PCDHA2: variants seen among roughly 807,000 people sequenced by gnomAD.
PCDHA2 encodes protocadherin alpha-2.
Under a neutral mutation model 66.0 loss-of-function variants are expected in PCDHA2, and 58 were observed. That is an observed-to-expected ratio of 0.88 (90% CI 0.71 to 1.09). The LOEUF (loss-of-function observed/expected upper bound fraction) is 1.09, where lower values mean the gene tolerates loss of function less well. Ranked by LOEUF, PCDHA2 falls within the 50% of genes least tolerant of loss-of-function variation. The pLI is 0.00. For synonymous variants in PCDHA2, 634 were observed against 554.0 expected (o/e 1.14, Z -2.03); for missense variants, 1,267 against 1,242.3 (o/e 1.02, Z -0.30).
Position 140,807,656 on chromosome 5 carries a change from G to A in PCDHA2, c.2388+10304G>A, listed in dbSNP as rs782156904. On this transcript the variant is annotated intron_variant, in intron 1 of 3. Coordinates refer to ENST00000526136, the MANE Select transcript of PCDHA2 (RefSeq NM_018905.3). ...TGACTCTCGGTTTCCACTAGAGGGC[G>A]CCTCGGATGCAGATATCGGGGAGAA... 6.8e-6 allele frequency: 11 copies of A among 1,614,200 alleles called. No homozygotes were observed. In the South Asian group the frequency reaches 1.2e-4, roughly 18 times the overall value.
intron 1 of PCDHA2, chr5:140,882,691 C>G (rs201544181): frequency 1.2e-6 from 2 of 1,614,216 alleles, no homozygotes; most frequent in Admixed American, 1.7e-5. Context: ...AACGAATAAT[C>G]ATTGCAGAAT....
chr5:140,946,363 A>T (rs2093934761), intron 1 of PCDHA2, among the ~76,000 whole-genome samples: 1 of 151,892 alleles, frequency 6.6e-6, no homozygotes, highest in African/African-American at 2.4e-5. Flanking sequence ...AGAAAAGGGA[A>T]CTCTTGCACA....
In PCDHA2 at chr5:140,912,862, T is replaced by C. The variant is rs181526076; in HGVS notation, c.2389-66087T>C. On this transcript the variant is annotated intron_variant, in intron 1 of 3. Coordinates refer to ENST00000526136, the MANE Select transcript of PCDHA2 (RefSeq NM_018905.3). Reference sequence around the variant, plus strand: ...GCTTTTTCAGCATCAATTGAAATGATATATGGTTTTTGGTCTTCATTCTGT... The same window carrying C: ...GCTTTTTCAGCATCAATTGAAATGACATATGGTTTTTGGTCTTCATTCTGT... Among the ~76,000 whole-genome samples, 6 of 152,338 alleles carry C rather than the reference T, an allele frequency of 3.9e-5. No individual in the cohort carries two copies. In the East Asian group the frequency reaches 1.2e-3, roughly 29 times the overall value.
intron 1 of PCDHA2, among the ~76,000 whole-genome samples, chr5:140,911,064 T>C (rs2153516956): frequency 6.6e-6 from 1 of 152,226 alleles, no homozygotes; most frequent in African/African-American, 2.4e-5. Flanking sequence ...GGGTGGGTCC[T>C]GAGGAGAATC....
At chr5:141,008,211 G>A (rs1032443788) in intron 3 of PCDHA2, among the ~76,000 whole-genome samples, 6 of 152,168 alleles carry the variant, frequency 3.9e-5, no homozygotes, top group Admixed American at 2.0e-4. Context: ...AACTTGACAT[G>A]AGTTATGTTA....
At chr5:140,876,510 T>C in intron 1 of PCDHA2, 1 of 1,614,038 alleles carries the variant, frequency 6.2e-7, no homozygotes, top group Non-Finnish European at 8.5e-7. Flanking sequence ...TGAATGACAA[T>C]GTCCCTGAAG....
chr5:140,846,261 G>T (rs922886728), intron 1 of PCDHA2, among the ~76,000 whole-genome samples: 4 of 148,852 alleles, frequency 2.7e-5, no homozygotes, highest in Admixed American at 6.7e-5. Flanking sequence ...TTTTGATGAT[G>T]ATTTAAAGTC....
chr5:140,862,882 G>T (rs782187514), intron 1 of PCDHA2: 2 of 564,526 alleles, frequency 3.5e-6, no homozygotes, highest in Non-Finnish European at 6.8e-6. Flanking sequence ...TATTAGTGCT[G>T]GAACGACAAC....
intron 1 of PCDHA2, chr5:140,927,200 A>C (rs2083965383): frequency 6.2e-7 from 1 of 1,613,898 alleles, no homozygotes; most frequent in Non-Finnish European, 8.5e-7. Context: ...GTGCTCGAGG[A>C]CCCGCTGGAG....
chr5:140,983,100 T>C (rs2097027056), intron 3 of PCDHA2, among the ~76,000 whole-genome samples: 1 of 152,232 alleles, frequency 6.6e-6, no homozygotes, highest in African/African-American at 2.4e-5. Flanking sequence ...AATCTGCTTC[T>C]CTCTGCACAT....
chr5:140,867,560 C>A (rs1352328708), intron 1 of PCDHA2: 1 of 152,070 alleles, frequency 6.6e-6, no homozygotes, highest in African/African-American at 2.4e-5. Context: ...CATATGATAA[C>A]TTTTTCATAT....
chr5:140,937,492 C>T (rs1390017602), intron 1 of PCDHA2, among the ~76,000 whole-genome samples: 1 of 152,054 alleles, frequency 6.6e-6, no homozygotes, highest in African/African-American at 2.4e-5. Context: ...TGGCACATAC[C>T]CGTAATCCCA....
chr5:141,006,405 C>A (rs782532612), intron 3 of PCDHA2, among the ~76,000 whole-genome samples: 1 of 151,798 alleles, frequency 6.6e-6, no homozygotes, highest in Non-Finnish European at 1.5e-5. Context: ...AGTAGAGACG[C>A]GGTTTCACTG....
At chr5:140,802,715 C>T in intron 1 of PCDHA2, 1 of 1,612,562 alleles carries the variant, frequency 6.2e-7, no homozygotes, top group Non-Finnish European at 8.5e-7. Flanking sequence ...CGCTGTCGAG[C>T]TACGTGTCGG....
chr5:140,890,788 T>C (rs892426818), intron 1 of PCDHA2, among the ~76,000 whole-genome samples: 1 of 152,222 alleles, frequency 6.6e-6, no homozygotes, highest in Non-Finnish European at 1.5e-5. Flanking sequence ...AAGATATTAG[T>C]ATTATTTTAT....
intron 1 of PCDHA2, among the ~76,000 whole-genome samples, chr5:140,873,079 TC>T (rs544069393): frequency 1.1e-4 from 17 of 152,076 alleles, no homozygotes; most frequent in Admixed American, 4.6e-4. Context: ...TCTAGCTATT[TC>T]CCCCCCGTAT....
chr5:140,898,528 TG>T (rs2066807286), intron 1 of PCDHA2, among the ~76,000 whole-genome samples: 1 of 152,236 alleles, frequency 6.6e-6, no homozygotes, highest in African/African-American at 2.4e-5. Flanking sequence ...CTGAGGGCTC[TG>T]TTCTGTTCCA....
intron 1 of PCDHA2, chr5:140,857,948 C>T (rs1160932490): frequency 2.5e-6 from 4 of 1,597,436 alleles, no homozygotes; most frequent in African/African-American, 1.3e-5. Flanking sequence ...CAGTACGACG[C>T]GCGCTCTGGA....
chr5:140,870,334 G>T lies in PCDHA2; in HGVS notation c.2388+72982G>T, dbSNP rs180868237. The T allele has an allele frequency of 3.1e-6, 5 of 1,614,166 alleles. No individual in the cohort carries two copies. The highest frequency in any genetic ancestry group is 1.7e-5 in the Admixed American group (1 of 60,020). ...TTACTACTCGTTGGTGCTGGACAGCGCCCTGGACCGCGAGAACGTGTGGGC... is the reference window on the plus strand; with the variant it reads ...TTACTACTCGTTGGTGCTGGACAGCTCCCTGGACCGCGAGAACGTGTGGGC... On this transcript the variant is annotated intron_variant, in intron 1 of 3. Transcript: ENST00000526136.
Sources: gnomAD v4.1 joint callset for allele counts (sites outside exome capture counted in the v4.1 genomes callset) on GRCh38, gnomAD v4.1.1 for gene constraint, MANE v1.5 for transcripts, NCBI Gene and HGNC (gene_info 2026-07-23, HGNC 2026-07-21) for gene names.